PTPRD: variants seen among roughly 807,000 people sequenced by gnomAD.
The protein encoded by PTPRD is receptor-type tyrosine-protein phosphatase delta.
A neutral mutation model predicts 214.5 loss-of-function variants in PTPRD; 34 were observed. The observed-to-expected ratio is 0.16, with a 90% confidence interval of 0.12 to 0.21. The LOEUF (loss-of-function observed/expected upper bound fraction) is 0.21. PTPRD is among the 10% of genes least tolerant of loss of function. The pLI is 1.00. For synonymous variants in PTPRD, 1,128 were observed against 845.7 expected (o/e 1.33, Z -5.79); for missense variants, 2,545 against 2,398.7 (o/e 1.06, Z -1.27).
intron 3 of PTPRD, among the ~76,000 whole-genome samples, chr9:10,052,460 C>T (rs1405125660): frequency 6.6e-6 from 1 of 151,704 alleles, no homozygotes; most frequent in Non-Finnish European, 1.5e-5. Context: ...TACTGAGAAA[C>T]CTGCCTTTAA....
Position 10,415,179 on chromosome 9 carries a change from G to A in PTPRD, c.-599-74162C>T, listed in dbSNP as rs139005592. On this transcript the variant is annotated intron_variant, in intron 2 of 45. Transcript: ENST00000381196. ...TTAGCTTCTTCTTTTATAAACTAAT[G>A]ATTAAAAATAAATATACCTCACAAT... is the stretch of plus-strand genomic sequence containing the variant. 2.8e-3 allele frequency among the ~76,000 whole-genome samples: 418 copies of A among 151,696 alleles called. 3 individuals are homozygous for A. The highest frequency in any genetic ancestry group is 0.025 in the Admixed American group (376 of 15,198).
intron 2 of PTPRD, among the ~76,000 whole-genome samples, chr9:10,520,597 C>T (rs904026957): frequency 6.6e-6 from 1 of 152,142 alleles, no homozygotes; most frequent in Non-Finnish European, 1.5e-5. Context: ...TTGGAAGAAG[C>T]ATACCATCTT....
intron 10 of PTPRD, among the ~76,000 whole-genome samples, chr9:9,036,944 A>C (rs2099623796): frequency 6.6e-6 from 1 of 152,162 alleles, no homozygotes; most frequent in Non-Finnish European, 1.5e-5. Context: ...GGATGCTTCC[A>C]ACTCTCCTTA....
At chr9:9,415,873 G>C (rs1050080162) in intron 8 of PTPRD, among the ~76,000 whole-genome samples, 2 of 152,132 alleles carry the variant, frequency 1.3e-5, no homozygotes, top group African/African-American at 4.8e-5. Flanking sequence ...CGGGTAGGAC[G>C]GGGTAGCAAG....
rs971116268 is a variant in PTPRD, at chr9:9,459,588, T to A, written c.-236-62106A>T. Among the ~76,000 whole-genome samples the A allele has an allele frequency of 7.9e-5, 12 of 151,952 alleles. No individual in the cohort carries two copies. The East Asian group carries it at 1.8e-3, about 22-fold the overall frequency. On this transcript the variant is annotated intron_variant, in intron 8 of 45. Coordinates refer to ENST00000381196, the MANE Select transcript of PTPRD (RefSeq NM_002839.4). ...TCGAGCTGAGAACGAAACCAATAAC[T>A]CAATCGCATTTAAAACAGCCACAAA...
intron 19 of PTPRD, among the ~76,000 whole-genome samples, chr9:8,522,836 T>C (rs1266878334): frequency 6.6e-6 from 1 of 152,194 alleles, no homozygotes; most frequent in Non-Finnish European, 1.5e-5. Flanking sequence ...ATACATTTAA[T>C]AAAGATTTTT....
chr9:9,832,132 G>T (rs1414305479), intron 5 of PTPRD, among the ~76,000 whole-genome samples: 1 of 151,932 alleles, frequency 6.6e-6, no homozygotes, highest in Non-Finnish European at 1.5e-5. Context: ...GCATAAGTGA[G>T]CCAAGCTGGT....
intron 14 of PTPRD, among the ~76,000 whole-genome samples, chr9:8,584,860 C>T (rs1182322819): frequency 6.6e-6 from 1 of 152,170 alleles, no homozygotes; most frequent in Non-Finnish European, 1.5e-5. Flanking sequence ...GAAGCGGAAG[C>T]AAACATGTCC....
chr9:10,523,266 C>T (rs1004170669), intron 2 of PTPRD, among the ~76,000 whole-genome samples: 3 of 151,918 alleles, frequency 2.0e-5, no homozygotes, highest in African/African-American at 4.8e-5. Flanking sequence ...ACAAATGCTA[C>T]GATTTACCAC....
intron 3 of PTPRD, among the ~76,000 whole-genome samples, chr9:10,041,973 G>A (rs951673319): frequency 6.6e-6 from 1 of 152,052 alleles, no homozygotes; most frequent in Non-Finnish European, 1.5e-5. Flanking sequence ...CCTAGCTGAA[G>A]TAAAGCAGCA....
intron 4 of PTPRD, among the ~76,000 whole-genome samples, chr9:10,003,969 A>T (rs1288031476): frequency 2.6e-5 from 4 of 151,922 alleles, no homozygotes; most frequent in Non-Finnish European, 5.9e-5. Flanking sequence ...GCTCTCTACA[A>T]ATAAGAGGAA....
chr9:9,928,707 G>A (rs1285552335), intron 5 of PTPRD, among the ~76,000 whole-genome samples: 1 of 149,138 alleles, frequency 6.7e-6, no homozygotes, highest in African/African-American at 2.5e-5. Context: ...AGAAAATAAA[G>A]AACAAACTTA....
intron 12 of PTPRD, among the ~76,000 whole-genome samples, chr9:8,717,773 G>A (rs945924871): frequency 2.2e-4 from 33 of 152,218 alleles, no homozygotes; most frequent in Non-Finnish European, 2.2e-4. Context: ...GAGAATCACC[G>A]TTTTACCGGA....
intron 5 of PTPRD, among the ~76,000 whole-genome samples, chr9:9,927,875 C>G (rs143700772): frequency 2.6e-5 from 4 of 151,976 alleles, no homozygotes; most frequent in African/African-American, 7.2e-5. Context: ...ATAAAGGACA[C>G]GGGAAGAAAA....
intron 3 of PTPRD, among the ~76,000 whole-genome samples, chr9:10,072,612 G>C (rs1293086444): frequency 1.3e-5 from 2 of 152,058 alleles, no homozygotes; most frequent in Non-Finnish European, 2.9e-5. Flanking sequence ...TGTCCTATCA[G>C]AGTGCCCTTT....
At chr9:10,224,666 G>C (rs1264026594) in intron 3 of PTPRD, among the ~76,000 whole-genome samples, 1 of 151,718 alleles carries the variant, frequency 6.6e-6, no homozygotes, top group Admixed American at 6.6e-5. Flanking sequence ...ATTGACCCTT[G>C]AACATCATGA....
At chr9:8,963,527 T>G (rs368817368) in intron 11 of PTPRD, among the ~76,000 whole-genome samples, 1 of 152,200 alleles carries the variant, frequency 6.6e-6, no homozygotes, top group East Asian at 1.9e-4. Flanking sequence ...ATATGGTTTT[T>G]GTTTTTTAAT....
chr9:9,123,845 C>A (rs1017445893), intron 10 of PTPRD, among the ~76,000 whole-genome samples: 11 of 152,068 alleles, frequency 7.2e-5, no homozygotes, highest in African/African-American at 2.7e-4. Context: ...ACAGGAATAG[C>A]CACAATGAAT....
intron 3 of PTPRD, among the ~76,000 whole-genome samples, chr9:10,187,152 A>AT (rs1451790483): frequency 2.6e-5 from 4 of 152,142 alleles, no homozygotes; most frequent in South Asian, 2.1e-4. Flanking sequence ...TGATTGCCTG[A>AT]TTTTTTATAT....
Sources: gnomAD v4.1 joint callset for allele counts (sites outside exome capture counted in the v4.1 genomes callset) on GRCh38, gnomAD v4.1.1 for gene constraint, MANE v1.5 for transcripts, NCBI Gene and HGNC (gene_info 2026-07-23, HGNC 2026-07-21) for gene names.